The following LNPEP variants were observed in gnomAD, a reference collection of about 807,000 sequenced individuals.
The protein encoded by LNPEP is leucyl and cystinyl aminopeptidase.
Under a neutral mutation model 120.6 loss-of-function variants are expected in LNPEP, and 64 were observed. That is an observed-to-expected ratio of 0.53 (90% CI 0.43 to 0.65). The LOEUF (loss-of-function observed/expected upper bound fraction) is 0.65, where lower values mean the gene tolerates loss of function less well. Among genes scored for constraint, LNPEP ranks in the 30% least tolerant of loss-of-function variants. The pLI is 0.00. For synonymous variants in LNPEP, 435 were observed against 425.4 expected, an observed-to-expected ratio of 1.02 and a Z score of -0.28; for missense variants, 1,057 against 1,200.0, an observed-to-expected ratio of 0.88 and a Z score of 1.76.
At position 96,993,152 on chromosome 5, in the gene LNPEP, G is replaced by A. The variant is rs573322396; in HGVS notation, c.1252+17G>A. On this transcript the variant is annotated intron_variant, in intron 5 of 17. Coordinates refer to ENST00000231368, the MANE Select transcript of LNPEP (RefSeq NM_005575.3). ...AGAAATTGGGTAAGAATCAAATAGT[G>A]TGTCTGATTTTTGTTATAATTAGAA... is the stretch of plus-strand genomic sequence containing the variant. The A allele has an allele frequency of 2.1e-4, 319 of 1,533,066 alleles. 4 individuals carry two copies. In the South Asian group the frequency reaches 3.7e-3, roughly 18 times the overall value. The allele number at this position is 1,533,066 out of a possible 1,614,324, so 95.0% of individuals were successfully genotyped here.
intron 6 of LNPEP, 94 bp downstream of exon 6, chr5:96,994,065 T>G: frequency 1.0e-6 from 1 of 974,120 alleles, no homozygotes. Flanking sequence ...ATTCTTTTTT[T>G]TTTTAAGCAT....
rs1186262614 is a variant in LNPEP, at chr5:97,034,766, C to A, written c.*6233C>A. On this transcript the variant is annotated 3_prime_UTR_variant, in exon 18 of 18. Transcript: ENST00000231368. ...TTTTGCTCCTTTTTGATGTTAACTTCATTTTGAATCTGGTCCTTTGTATGA... is the reference window on the plus strand; with the variant it reads ...TTTTGCTCCTTTTTGATGTTAACTTAATTTTGAATCTGGTCCTTTGTATGA... 2.6e-5 allele frequency: 4 copies of A among 151,938 alleles called. No homozygotes were observed. Among genetic ancestry groups the A allele is most frequent in the African/African-American group, 7.3e-5 (3 of 41,362 alleles). The allele number at this position is 151,938 out of a possible 1,614,324, so 9.4% of individuals were successfully genotyped here.
intron 1 of LNPEP, among the ~76,000 whole-genome samples, chr5:96,947,926 C>A (rs570000530): frequency 1.3e-5 from 2 of 151,982 alleles, no homozygotes; most frequent in Non-Finnish European, 2.9e-5. Context: ...TTCCATTTTT[C>A]TCTTTTTGAA....
chr5:97,017,480 A>G (rs1303603839), intron 13 of LNPEP, among the ~76,000 whole-genome samples: 1 of 151,998 alleles, frequency 6.6e-6, no homozygotes, highest in African/African-American at 2.4e-5. Context: ...TTTTAATGTA[A>G]TCTAGCTTAT....
In LNPEP at chr5:97,022,481, A is replaced by T. The variant is rs1160349794; in HGVS notation, c.2558A>T (p.Gln853Leu). Reference protein sequence around the residue: ...FDDWMASNGTQSLPTDVMTTV... With the variant: ...FDDWMASNGTLSLPTDVMTTV... ...GACTGGATGGCATCCAATGGAACTC[A>T]AAGGTGAAGTATACCTCTACTCAGA... The change falls in exon 14 of 18, where the codon CAA (glutamine) becomes CTA (leucine). Residue 853 changes from glutamine to leucine, a missense_variant. By Grantham distance (113) the Gln-to-Leu change is moderately radical. Transcript: ENST00000231368. 2 of 1,610,932 alleles carry T rather than the reference A, an allele frequency of 1.2e-6. No individual in the cohort carries two copies. Among genetic ancestry groups the T allele is most frequent in the Admixed American group, 3.3e-5 (2 of 60,012 alleles).
At chr5:96,993,249 A>G (rs532361944) in intron 5 of LNPEP, 114 bp downstream of exon 5, 7 of 661,310 alleles carry the variant, frequency 1.1e-5, no homozygotes, top group Non-Finnish European at 1.7e-5. Context: ...ACCAAAAACC[A>G]TTATTAATGC....
rs923306737 is a variant in LNPEP at position 97,030,314 on chromosome 5, T to C, written c.*1781T>C. 1 of 152,166 alleles carries C rather than the reference T, an allele frequency of 6.6e-6. No individual in the cohort carries two copies. The highest frequency in any genetic ancestry group is 2.4e-5 in the African/African-American group (1 of 41,460). 9.4% of individuals were successfully genotyped at this position (152,166 alleles called of 1,614,324 possible). A position where few individuals can be genotyped will look rare whatever the true frequency, so the allele number is the denominator to read the frequency against. On this transcript the variant is annotated 3_prime_UTR_variant, in exon 18 of 18. Coordinates refer to ENST00000231368, the MANE Select transcript of LNPEP (RefSeq NM_005575.3). ...CAACTGAAGTGATTGTAAGTCTTTA[T>C]TCTTGTGCTTTGGTTAAATGAATGA...
intron 1 of LNPEP, among the ~76,000 whole-genome samples, chr5:96,959,437 G>C (rs1483251822): frequency 1.3e-5 from 2 of 152,148 alleles, no homozygotes; most frequent in Admixed American, 6.5e-5. Flanking sequence ...TTTGTGGGTA[G>C]AGTTGAGGAA....
chr5:96,940,466 G>T (rs546737680), intron 1 of LNPEP, among the ~76,000 whole-genome samples: 1 of 148,746 alleles, frequency 6.7e-6, no homozygotes, highest in Admixed American at 6.7e-5. Flanking sequence ...CCACAACCTC[G>T]TCATCAGATA....
chr5:97,024,402 G>A (rs1791288802), intron 14 of LNPEP, 119 bp from the exon 15 acceptor site: 1 of 864,084 alleles, frequency 1.2e-6, no homozygotes, highest in Non-Finnish European at 1.8e-6. Flanking sequence ...CCTAAATTGT[G>A]TACTCAAACT....
rs114354592 is a variant in LNPEP, at chr5:96,949,956, C to T, written c.19+13782C>T. On this transcript the variant is annotated intron_variant, in intron 1 of 17. Transcript: ENST00000231368. ...CCTCCTTTCCTTTTCCATCCTCCCC[C>T]TCACCTTTCCTTTTTCTGTAAACTT... Among the ~76,000 whole-genome samples, 914 of 152,302 alleles carry T rather than the reference C, an allele frequency of 6.0e-3. 7 individuals are homozygous for T. The highest frequency in any genetic ancestry group is 0.014 in the African/African-American group (601 of 41,556).
chr5:97,025,792 C>T (rs1791323542), intron 15 of LNPEP, among the ~76,000 whole-genome samples: 2 of 150,380 alleles, frequency 1.3e-5, no homozygotes, highest in South Asian at 4.2e-4. Flanking sequence ...TTTTCCATGT[C>T]ACTTCATGAA....
At chr5:96,943,560 T>C (rs1789112279) in intron 1 of LNPEP, among the ~76,000 whole-genome samples, 1 of 152,244 alleles carries the variant, frequency 6.6e-6, no homozygotes, top group African/African-American at 2.4e-5. Context: ...GTGCTGGTAC[T>C]ATAGGTGTGA....
At position 97,026,060 on chromosome 5, in the gene LNPEP, A is replaced by G. The variant is rs183569316; in HGVS notation, c.2724-557A>G. Among the ~76,000 whole-genome samples the G allele has an allele frequency of 1.3e-3, 198 of 152,294 alleles. 1 individual carries two copies. Among genetic ancestry groups the G allele is most frequent in the African/African-American group, 4.6e-3 (192 of 41,554 alleles). On this transcript the variant is annotated intron_variant, in intron 15 of 17. Transcript: ENST00000231368. ...TACTGTGTGACTGTGGGTCAATTAG[A>G]TAACCTCAGTTTCTTCAACTATAAA...
In LNPEP at chr5:96,981,116, A is replaced by T. The variant is rs547983251; in HGVS notation, c.860+1138A>T. ...GAAATGTAAGCTATGTGTAAAAACA[A>T]GAAATACATCCCTTAATTACTTTAT... On this transcript the variant is annotated intron_variant, in intron 2 of 17. Transcript: ENST00000231368. Among the ~76,000 whole-genome samples the T allele has an allele frequency of 2.6e-5, 4 of 152,312 alleles. No homozygotes were observed. The South Asian group carries it at 8.3e-4, about 32-fold the overall frequency.
chr5:96,965,252 A>G (rs1023076902), intron 1 of LNPEP, among the ~76,000 whole-genome samples: 12 of 152,082 alleles, frequency 7.9e-5, no homozygotes, highest in Non-Finnish European at 1.0e-4. Context: ...GGGTCCACTA[A>G]TTAGAGTTCT....
intron 1 of LNPEP, among the ~76,000 whole-genome samples, chr5:96,949,176 A>G (rs927464217): frequency 2.6e-5 from 4 of 152,168 alleles, no homozygotes; most frequent in African/African-American, 4.8e-5. Context: ...TTTATTAACA[A>G]TTTTGAATTT....
intron 2 of LNPEP, among the ~76,000 whole-genome samples, chr5:96,983,809 G>T (rs545610430): frequency 6.6e-6 from 1 of 152,208 alleles, no homozygotes; most frequent in South Asian, 2.1e-4. Flanking sequence ...AGAAAGAGGA[G>T]GAAATTTTTT....
intron 1 of LNPEP, among the ~76,000 whole-genome samples, chr5:96,950,209 A>G (rs908500224): frequency 1.3e-5 from 2 of 152,296 alleles, no homozygotes; most frequent in African/African-American, 4.8e-5. Flanking sequence ...TTCAAAATCA[A>G]CATTAAAGAG....
Sources: allele counts gnomAD v4.1 joint callset (sites outside exome capture counted in the v4.1 genomes callset), GRCh38; gene constraint gnomAD v4.1.1; transcripts MANE v1.5; gene names NCBI Gene and HGNC (gene_info 2026-07-23, HGNC 2026-07-21).